The following RAB36 variants were observed in gnomAD, a reference collection of about 807,000 sequenced individuals.
RAB36 encodes ras-related protein Rab-36.
A neutral mutation model predicts 39.3 loss-of-function variants in RAB36; 33 were observed. That is an observed-to-expected ratio of 0.84 (90% CI 0.64 to 1.12). The LOEUF (loss-of-function observed/expected upper bound fraction) is 1.12. RAB36 is among the 50% of genes most tolerant of loss of function. RAB36 has a pLI of 0.00. For missense variants in RAB36, 308 were observed against 355.3 expected (o/e 0.87, Z 1.07); for synonymous variants, 133 against 140.2 (o/e 0.95, Z 0.36).
chr22:23,151,324 G>C (rs2071111822), intron 3 of RAB36, among the ~76,000 whole-genome samples: 1 of 152,190 alleles, frequency 6.6e-6, no homozygotes, highest in Non-Finnish European at 1.5e-5. Context: ...GGATCAGAGG[G>C]TACCTGCTGT....
chr22:23,149,159 G>T (rs2070962653), intron 2 of RAB36, among the ~76,000 whole-genome samples: 1 of 142,396 alleles, frequency 7.0e-6, no homozygotes, highest in African/African-American at 2.5e-5. Flanking sequence ...TCCAAGCAGT[G>T]TTCAGAGGGA....
In RAB36 at chr22:23,165,270, C is replaced by T. The variant is rs2072019400; in HGVS notation, c.*3706C>T. Among the ~76,000 whole-genome samples, 1 of 152,194 alleles carries T rather than the reference C, an allele frequency of 6.6e-6. No individual in the cohort carries two copies. The highest frequency in any genetic ancestry group is 2.4e-5 in the African/African-American group (1 of 41,450). On this transcript the variant is annotated 3_prime_UTR_variant, in exon 11 of 11. Coordinates refer to ENST00000263116, the MANE Select transcript of RAB36 (RefSeq NM_004914.5). ...CCAGCAGACAGATTGCACTCTGACC[C>T]AGATGCCACCACACGAAACTTACAC...
In RAB36 at chr22:23,153,723, G is replaced by C. The variant is rs560114707; in HGVS notation, c.329+589G>C. 5.6e-4 allele frequency: 416 copies of C among 748,504 alleles called. 3 individuals carry two copies. The African/African-American group carries it at 6.0e-3, about 11-fold the overall frequency. The allele number at this position is 748,504 out of a possible 1,614,324, so 46.4% of individuals were successfully genotyped here. On this transcript the variant is annotated intron_variant, in intron 5 of 10. Transcript: ENST00000263116. Reference sequence around the variant, plus strand: ...TTTTTTTTTTTTTTTTTGAGACAGAGTCTTGCTCTGTCACCCAGGCTGGAG... The same window carrying C: ...TTTTTTTTTTTTTTTTTGAGACAGACTCTTGCTCTGTCACCCAGGCTGGAG...
chr22:23,159,492 T>C (rs9612251), intron 9 of RAB36, among the ~76,000 whole-genome samples: 6 of 152,158 alleles, frequency 3.9e-5, no homozygotes, highest in East Asian at 1.9e-4. Context: ...GGGGGAATAG[T>C]GACCCCAACC....
At chr22:23,154,521 G>C (rs2146542734) in intron 5 of RAB36, among the ~76,000 whole-genome samples, 1 of 152,358 alleles carries the variant, frequency 6.6e-6, no homozygotes, top group East Asian at 1.9e-4. Flanking sequence ...GAGGGATCCA[G>C]AGAGCTGAGA....
At chr22:23,158,250 T>G (rs1485002198) in intron 7 of RAB36, among the ~76,000 whole-genome samples, 3 of 152,186 alleles carry the variant, frequency 2.0e-5, no homozygotes, top group Non-Finnish European at 4.4e-5. Flanking sequence ...AGCCAGCACA[T>G]GAGTGTGAGC....
chr22:23,157,241 C>A (rs1443841521), intron 6 of RAB36, among the ~76,000 whole-genome samples: 3 of 141,096 alleles, frequency 2.1e-5, no homozygotes, highest in Non-Finnish European at 3.1e-5. Flanking sequence ...GAAAGTTGGC[C>A]CTGGACTAAC....
At chr22:23,157,908 C>T in intron 6 of RAB36, 84 bp from the exon 7 acceptor site, 1 of 1,597,430 alleles carries the variant, frequency 6.3e-7, no homozygotes, top group Non-Finnish European at 8.5e-7. Context: ...CTGGCAGTTC[C>T]TTGGGAGCTG....
At chr22:23,145,331 A>G (rs1318550288), upstream of RAB36, 1 of 1,413,664 alleles carries the variant, frequency 7.1e-7, no homozygotes, top group Non-Finnish European at 9.4e-7. Flanking sequence ...CTCTGCTGCC[A>G]GCCCCGCCCA....
At chr22:23,159,353 C>G in intron 9 of RAB36, 100 bp downstream of exon 9, 3 of 1,163,626 alleles carry the variant, frequency 2.6e-6, no homozygotes, top group Non-Finnish European at 3.6e-6. Context: ...AGCCAGTCGT[C>G]TGTTCCCTCT....
In RAB36 at chr22:23,164,113, G is replaced by T. The variant is rs1371041606; in HGVS notation, c.*2549G>T. 7 of 152,256 alleles carry T rather than the reference G, an allele frequency of 4.6e-5. No individual in the cohort carries two copies. Among genetic ancestry groups the T allele is most frequent in the Non-Finnish European group, 7.3e-5 (5 of 68,066 alleles). The allele number at this position is 152,256 out of a possible 1,614,324, so 9.4% of individuals were successfully genotyped here. A position where few individuals can be genotyped will look rare whatever the true frequency, so the allele number is the denominator to read the frequency against. ...CTGTGGTCGGGCAGACAGCATTGGG[G>T]TCCATTAGGAAGACCAGGTTTGCTG... On this transcript the variant is annotated 3_prime_UTR_variant, in exon 11 of 11. Transcript: ENST00000263116.
chr22:23,163,611 C>CCCCCA lies in RAB36; in HGVS notation c.*2051_*2052insACCCC, dbSNP rs1555954148. 1 of 146,832 alleles carries CCCCCA rather than the reference C, an allele frequency of 6.8e-6. No individual in the cohort carries two copies. The highest frequency in any genetic ancestry group is 6.8e-5 in the Admixed American group (1 of 14,756). 9.1% of individuals were successfully genotyped at this position (146,832 alleles called of 1,614,324 possible). On this transcript the variant is annotated 3_prime_UTR_variant, in exon 11 of 11. Transcript: ENST00000263116. ...ATATAAAATACAAGGTGAAAGCCCC[C>CCCCCA]CCCCCGCCACATTAGCTGCGCCCCT... is the stretch of plus-strand genomic sequence containing the variant.
At chr22:23,147,934 G>A (rs1569204046) in intron 2 of RAB36, among the ~76,000 whole-genome samples, 1 of 152,178 alleles carries the variant, frequency 6.6e-6, no homozygotes, top group African/African-American at 2.4e-5. Context: ...AAAACAAGGA[G>A]AGGGAGAAAT....
chr22:23,160,281 TAACAGTGA>T (rs1415108055), intron 9 of RAB36, among the ~76,000 whole-genome samples: 1 of 152,062 alleles, frequency 6.6e-6, no homozygotes, highest in African/African-American at 2.4e-5. Flanking sequence ...CTTATCAGAG[TAACAGTGA>T]GTTCACCGAC....
Position 23,152,402 on chromosome 22 carries a change from A to T in RAB36, c.162-59A>T, listed in dbSNP as rs2071199035. ...GAGCTCAGGGAAGGAAGGGGCTGTG[A>T]GTGTCTGAAGACACCCTGGAAGGCA... On this transcript the variant is annotated intron_variant, in intron 3 of 10. Transcript: ENST00000263116. The T allele has an allele frequency of 1.1e-5, 17 of 1,551,718 alleles. No individual in the cohort carries two copies. In the South Asian group the frequency reaches 1.4e-4, roughly 13 times the overall value.
At chr22:23,159,077 C>T in intron 8 of RAB36, 86 bp from the exon 9 acceptor site, 1 of 1,582,788 alleles carries the variant, frequency 6.3e-7, no homozygotes, top group East Asian at 2.3e-5. Flanking sequence ...GGAGGCAGCA[C>T]AGTGGGAAGC....
At chr22:23,168,562 C>T (rs756818956), downstream of RAB36, among the ~76,000 whole-genome samples, 2 of 152,200 alleles carry the variant, frequency 1.3e-5, no homozygotes, top group Admixed American at 6.5e-5. Flanking sequence ...CCCAGCAGTT[C>T]CCAGGCTCCT....
chr22:23,156,466 G>T (rs1012518826), intron 6 of RAB36, among the ~76,000 whole-genome samples: 1 of 152,190 alleles, frequency 6.6e-6, no homozygotes, highest in African/African-American at 2.4e-5. Context: ...GGCCAGCAGG[G>T]CCGGATGCTC....
At chr22:23,159,684 C>T (rs796950074) in intron 9 of RAB36, among the ~76,000 whole-genome samples, 1 of 152,238 alleles carries the variant, frequency 6.6e-6, no homozygotes, top group South Asian at 2.1e-4. Context: ...ACTATCCTGC[C>T]TCTGGCCCTG....
Sources: gnomAD v4.1 joint callset for allele counts (sites outside exome capture counted in the v4.1 genomes callset) on GRCh38, gnomAD v4.1.1 for gene constraint, MANE v1.5 for transcripts, NCBI Gene and HGNC (gene_info 2026-07-23, HGNC 2026-07-21) for gene names.